The following COPE variants were observed in gnomAD, a reference collection of about 807,000 sequenced individuals.
COPE encodes coatomer subunit epsilon.
Under a neutral mutation model 42.1 loss-of-function variants are expected in COPE, and 19 were observed. That is an observed-to-expected ratio of 0.45 (90% CI 0.31 to 0.66). The LOEUF (loss-of-function observed/expected upper bound fraction) is 0.66. Among genes scored for constraint, COPE ranks in the 30% least tolerant of loss-of-function variants. COPE has a pLI of 0.05. For missense variants in COPE, 402 were observed against 416.1 expected, an observed-to-expected ratio of 0.97 and a Z score of 0.30; for synonymous variants, 195 against 181.3, an observed-to-expected ratio of 1.08 and a Z score of -0.60.
chr19:18,919,295 C>G lies in COPE; in HGVS notation c.54G>C (p.Glu18Asp). The G allele has an allele frequency of 1.9e-6, 3 of 1,613,940 alleles. No individual in the cohort carries two copies. Among genetic ancestry groups the G allele is most frequent in the Non-Finnish European group, 2.5e-6 (3 of 1,180,024 alleles). The part of the protein sequence containing the change: ...PASGGSGEVD[E>D]LFDVKNAFYI... The stretch of plus-strand genomic sequence containing the variant: ...AGAAGGCGTTCTTTACGTCGAACAG[C>G]TCGTCTACCTCCCCGGAGCCGCCGG... The change falls in exon 1 of 10, where the codon GAG becomes GAC. Residue 18 changes from glutamate (E) to aspartate (D), a missense_variant. Coordinates refer to ENST00000262812, the MANE Select transcript of COPE (RefSeq NM_007263.4).
rs1383709880 is a variant in COPE at position 18,903,443 on chromosome 19, T to A, written c.580-20A>T. On this transcript the variant is annotated intron_variant, in intron 6 of 9. Transcript: ENST00000262812. ...ACCACCCTGCAGGGAGGGTCCCGCA[T>A]CATTGCCTGTGCCCCTGCTGCCCGG... is the stretch of plus-strand genomic sequence containing the variant. 7 of 1,587,928 alleles carry A rather than the reference T, an allele frequency of 4.4e-6. No individual in the cohort carries two copies. In the African/African-American group the frequency reaches 8.1e-5, roughly 18 times the overall value.
chr19:18,905,675 A>G, intron 4 of COPE, 46 bp from the exon 5 acceptor site: 2 of 1,561,000 alleles, frequency 1.3e-6, no homozygotes, highest in South Asian at 1.2e-5. Context: ...CCACAGACAC[A>G]TTGCATGGCC....
chr19:18,907,615 C>CGGGCCAGGGCCAGGCTTG (rs2056772923), intron 3 of COPE, among the ~76,000 whole-genome samples: 1 of 152,166 alleles, frequency 6.6e-6, no homozygotes, highest in African/African-American at 2.4e-5. Flanking sequence ...CAGTGTGCTG[C>CGGGCCAGGGCCAGGCTTG]GGGCCAGGGC....
At chr19:18,908,476 A>G (rs1188981608) in intron 3 of COPE, among the ~76,000 whole-genome samples, 1 of 151,650 alleles carries the variant, frequency 6.6e-6, no homozygotes, top group Non-Finnish European at 1.5e-5. Context: ...GCTTGAGCCC[A>G]GGAGTTTGAG....
chr19:18,909,305 A>C (rs1568319708), intron 3 of COPE, among the ~76,000 whole-genome samples: 1 of 152,226 alleles, frequency 6.6e-6, no homozygotes, highest in Non-Finnish European at 1.5e-5. Context: ...CGGGCAGTTA[A>C]GGACAACAGG....
intron 3 of COPE, among the ~76,000 whole-genome samples, chr19:18,908,860 T>C (rs1245575744): frequency 1.3e-5 from 2 of 151,922 alleles, no homozygotes; most frequent in East Asian, 2.0e-4. Flanking sequence ...TAGCCAGGCA[T>C]GGTGATGCGT....
chr19:18,899,792 G>A, intron 9 of COPE, 66 bp from the exon 10 acceptor site: 1 of 1,611,072 alleles, frequency 6.2e-7, no homozygotes, highest in Non-Finnish European at 8.5e-7. Context: ...GAGGGAGAGA[G>A]AGAGGGCGCA....
Position 18,907,123 on chromosome 19 carries a change from G to C in COPE, c.291-11C>G. ...GCCACGATGCTGTCCCTGCAAGACA[G>C]AGATGCTCACGACCCACAGCTGGGG... On this transcript the variant is annotated splice_polypyrimidine_tract_variant and intron_variant, in intron 3 of 9. Coordinates refer to ENST00000262812, the MANE Select transcript of COPE (RefSeq NM_007263.4). 6.2e-7 allele frequency: 1 copy of C among 1,609,994 alleles called. No individual in the cohort carries two copies.
chr19:18,916,725 T>C (rs1197308102), intron 1 of COPE, among the ~76,000 whole-genome samples: 1 of 139,678 alleles, frequency 7.2e-6, no homozygotes, highest in African/African-American at 2.7e-5. Context: ...GAGGCAGAGG[T>C]TGTGGTGAGC....
intron 7 of COPE, among the ~76,000 whole-genome samples, chr19:18,901,741 G>A (rs1186908206): frequency 1.3e-5 from 2 of 152,196 alleles, no homozygotes; most frequent in Non-Finnish European, 2.9e-5. Flanking sequence ...GACTAACCTG[G>A]ACAACACAGT....
At chr19:18,909,135 T>C (rs970172468) in intron 3 of COPE, among the ~76,000 whole-genome samples, 15 of 152,264 alleles carry the variant, frequency 9.9e-5, no homozygotes, top group African/African-American at 3.1e-4. Context: ...TCTCCGGGGC[T>C]GCTTTTCTGT....
intron 8 of COPE, 47 bp from the exon 9 acceptor site, chr19:18,899,994 C>T (rs766564238): frequency 1.9e-6 from 3 of 1,560,856 alleles, no homozygotes; most frequent in South Asian, 1.2e-5. Flanking sequence ...GGGGACCCCA[C>T]GGTGGCTCTG....
intron 3 of COPE, among the ~76,000 whole-genome samples, chr19:18,910,350 C>T (rs2056798054): frequency 6.6e-6 from 1 of 152,192 alleles, no homozygotes; most frequent in Non-Finnish European, 1.5e-5. Context: ...ATTTGGGAGG[C>T]TGAGGTGGGC....
At chr19:18,917,233 CTT>C (rs1224483756) in intron 1 of COPE, among the ~76,000 whole-genome samples, 1 of 108,930 alleles carries the variant, frequency 9.2e-6, no homozygotes, top group South Asian at 2.8e-4. Context: ...TAGAAACATT[CTT>C]TTTTTCTTTT....
intron 4 of COPE, 84 bp from the exon 5 acceptor site, chr19:18,905,713 GTCT>G: frequency 7.2e-7 from 1 of 1,396,158 alleles, no homozygotes; most frequent in Non-Finnish European, 9.8e-7. Flanking sequence ...CACTGTGTGT[GTCT>G]GGGATGTTCC....
rs113398468 is a variant in COPE at position 18,916,093 on chromosome 19, G to A, written c.127-3047C>T. Among the ~76,000 whole-genome samples, 643 of 150,310 alleles carry A rather than the reference G, an allele frequency of 4.3e-3. 6 individuals are homozygous for A. Among genetic ancestry groups the A allele is most frequent in the African/African-American group, 0.014 (590 of 40,984 alleles). On this transcript the variant is annotated intron_variant, in intron 1 of 9. Coordinates refer to ENST00000262812, the MANE Select transcript of COPE (RefSeq NM_007263.4). The stretch of plus-strand genomic sequence containing the variant: ...CCACCTACTCGGGAGGCTGAGGCAG[G>A]AGAATCGCTTGAACCCAGGAGGCAG...
intron 7 of COPE, among the ~76,000 whole-genome samples, chr19:18,900,873 C>T (rs1389237330): frequency 1.3e-5 from 2 of 152,172 alleles, no homozygotes; most frequent in East Asian, 3.9e-4. Flanking sequence ...CTCACTCACT[C>T]TAGGCTCCCA....
At chr19:18,914,184 A>G (rs1385371613) in intron 1 of COPE, among the ~76,000 whole-genome samples, 4 of 152,182 alleles carry the variant, frequency 2.6e-5, no homozygotes, top group African/African-American at 9.7e-5. Context: ...GGCTGCAGAA[A>G]TCGAGCCCCA....
chr19:18,901,334 C>CA (rs2056696676), intron 7 of COPE, among the ~76,000 whole-genome samples: 1 of 152,250 alleles, frequency 6.6e-6, no homozygotes, highest in Non-Finnish European at 1.5e-5. Flanking sequence ...AACATGCATC[C>CA]AAGTGTTCTC....
Sources: allele counts gnomAD v4.1 joint callset (sites outside exome capture counted in the v4.1 genomes callset), GRCh38; gene constraint gnomAD v4.1.1; transcripts MANE v1.5; gene names NCBI Gene and HGNC (gene_info 2026-07-23, HGNC 2026-07-21).